RYR2: variants seen among roughly 807,000 people sequenced by gnomAD.
RYR2 encodes ryanodine receptor 2.
In RYR2, 227 loss-of-function variants were observed where a neutral mutation model predicts 601.1. The observed-to-expected ratio is 0.38, with a 90% confidence interval of 0.34 to 0.42. The LOEUF is 0.42. RYR2 is among the 10% of genes least tolerant of loss of function. RYR2 has a pLI of 1.00. For missense variants in RYR2, 4,646 were observed against 6,156.5 expected (o/e 0.75, Z 8.21); for synonymous variants, 2,223 against 2,175.1 (o/e 1.02, Z -0.61).
intron 61 of RYR2, among the ~76,000 whole-genome samples, chr1:237,679,265 C>T (rs1397469937): frequency 2.6e-5 from 4 of 152,250 alleles, no homozygotes; most frequent in East Asian, 1.9e-4. Context: ...TCAGCACCCC[C>T]GGTGCATCTG....
At chr1:237,809,092 TAAGTAA>T (rs761263202) in intron 100 of RYR2, 57 bp downstream of exon 100, 72 of 1,455,962 alleles carry the variant, frequency 4.9e-5, no homozygotes, top group Non-Finnish European at 6.5e-5. Flanking sequence ...TTCTGCAGTC[TAAGTAA>T]TTGTGTATTT....
At chr1:237,790,612 AATTAT>A (rs1347303152) in intron 92 of RYR2, among the ~76,000 whole-genome samples, 5 of 152,220 alleles carry the variant, frequency 3.3e-5, no homozygotes, top group African/African-American at 1.2e-4. Flanking sequence ...TCAACATAAT[AATTAT>A]ATTAATAACG....
chr1:237,324,847 T>C lies in RYR2; in HGVS notation c.169-6031T>C, dbSNP rs575829064. On this transcript the variant is annotated intron_variant, in intron 2 of 104. Transcript: ENST00000366574. ...ATACCTGTGTTATGTCAAAGGTCAC[T>C]TGGAGCCCAATTGAAAGGCAGTGTG... Among the ~76,000 whole-genome samples, 4 of 152,308 alleles carry C rather than the reference T, an allele frequency of 2.6e-5. No homozygotes were observed. The East Asian group carries it at 7.7e-4, about 29-fold the overall frequency.
At chr1:237,523,177 A>C (rs1374488445) in intron 24 of RYR2, among the ~76,000 whole-genome samples, 1 of 152,182 alleles carries the variant, frequency 6.6e-6, no homozygotes, top group Non-Finnish European at 1.5e-5. Flanking sequence ...GAGTACTTAG[A>C]TACAATATCC....
intron 1 of RYR2, among the ~76,000 whole-genome samples, chr1:237,165,537 G>A (rs1319413190): frequency 6.6e-6 from 1 of 152,110 alleles, no homozygotes; most frequent in Non-Finnish European, 1.5e-5. Context: ...ATATAATATT[G>A]TTTAATATAG....
At chr1:237,578,032 G>A (rs1395505717) in intron 29 of RYR2, among the ~76,000 whole-genome samples, 1 of 152,144 alleles carries the variant, frequency 6.6e-6, no homozygotes, top group Non-Finnish European at 1.5e-5. Context: ...CTGGTCTTGA[G>A]CTCCTGACCT....
At chr1:237,643,218 T>C in intron 47 of RYR2, 109 bp from the exon 48 acceptor site, 1 of 1,393,004 alleles carries the variant, frequency 7.2e-7, no homozygotes, top group South Asian at 1.3e-5. Flanking sequence ...ATGTATACAC[T>C]GATCAGAAAA....
chr1:237,780,892 A>T (rs769379983), intron 88 of RYR2, among the ~76,000 whole-genome samples: 7 of 152,296 alleles, frequency 4.6e-5, no homozygotes, highest in Non-Finnish European at 8.8e-5. Flanking sequence ...CACCTAGAAG[A>T]AGTTAGAAAG....
At chr1:237,158,859 T>C (rs980257696) in intron 1 of RYR2, among the ~76,000 whole-genome samples, 2 of 152,168 alleles carry the variant, frequency 1.3e-5, no homozygotes, top group Non-Finnish European at 2.9e-5. Flanking sequence ...CTAATGTGTT[T>C]ATGCAAAATG....
At chr1:237,752,493 C>G (rs1004622111) in intron 80 of RYR2, among the ~76,000 whole-genome samples, 1 of 151,490 alleles carries the variant, frequency 6.6e-6, no homozygotes, top group Non-Finnish European at 1.5e-5. Context: ...TTAGGAACCA[C>G]TCGTTTTAAA....
intron 6 of RYR2, among the ~76,000 whole-genome samples, chr1:237,370,192 T>C (rs1700527923): frequency 6.6e-6 from 1 of 151,906 alleles, no homozygotes; most frequent in Non-Finnish European, 1.5e-5. Flanking sequence ...TACTTTAATG[T>C]ATTCTTAGCT....
In RYR2 at chr1:237,759,846, C is replaced by A; in HGVS notation, c.11396C>A (p.Ser3799Ter). The change falls in exon 83 of 105, where the codon TCA becomes TAA. Residue 3799 changes from serine (S) to a stop codon, truncating the protein, a stop_gained. Transcript: ENST00000366574. LOFTEE classifies it high-confidence loss of function. ...CAGAGCCTGGCCGGCCTGATGCAGT[C>A]ATGTAGGTAAGGACTCACTTCCTTC... ...FFQSLAGLMQ[S>*]CSVLDLNAFE... The A allele has an allele frequency of 6.2e-7, 1 of 1,608,648 alleles. No homozygotes were observed. Among genetic ancestry groups the A allele is most frequent in the South Asian group, 1.1e-5 (1 of 90,610 alleles).
At position 237,640,647 on chromosome 1, in the gene RYR2, T is replaced by G. The variant is rs535694454; in HGVS notation, c.7116-250T>G. ...AAGCCATCAAATAAGCAGTTCCTCC[T>G]TTTCCCCTCAAAGGAATCTTAATAC... On this transcript the variant is annotated intron_variant, in intron 46 of 104. Coordinates refer to ENST00000366574, the MANE Select transcript of RYR2 (RefSeq NM_001035.3). Among the ~76,000 whole-genome samples the G allele has an allele frequency of 3.3e-5, 5 of 152,176 alleles. No homozygotes were observed. The South Asian group carries it at 8.3e-4, about 25-fold the overall frequency.
At position 237,789,652 on chromosome 1, in the gene RYR2, T is replaced by C. The variant is rs143599435; in HGVS notation, c.13476+1517T>C. The stretch of plus-strand genomic sequence containing the variant: ...CCAGTGGGTTCCTGAAGAATGTGTT[T>C]AACTACAGTTGTGTAAACCAAGTAG... On this transcript the variant is annotated intron_variant, in intron 92 of 104. Coordinates refer to ENST00000366574, the MANE Select transcript of RYR2 (RefSeq NM_001035.3). Among the ~76,000 whole-genome samples, 718 of 121,082 alleles carry C rather than the reference T, an allele frequency of 5.9e-3. 3 individuals carry two copies. Among genetic ancestry groups the C allele is most frequent in the African/African-American group, 0.018 (687 of 37,668 alleles). 79.4% of individuals were successfully genotyped at this position (121,082 alleles called of 152,430 possible).
At position 237,614,443 on chromosome 1, in the gene RYR2, G is replaced by C; in HGVS notation, c.5315G>C (p.Ser1772Thr). Residue 1772 changes from serine (S) to threonine (T), a missense_variant, in exon 37 of 105, where the codon AGT (serine) becomes ACT (threonine). Physicochemically the swap from Ser to Thr is moderately conservative, Grantham distance 58 (BLOSUM62 1). Coordinates refer to ENST00000366574, the MANE Select transcript of RYR2 (RefSeq NM_001035.3). The surrounding 1 kb of genome is among the most constrained non-coding windows in gnomAD (Gnocchi z 4.3). Reference protein sequence around the residue: ...QFSSPSFVSISNECYQYSPEF... With the variant: ...QFSSPSFVSITNECYQYSPEF... ...TCCTCCCCCAGTTTTGTAAGCATTA[G>C]TAATGAATGTTACCAGTACAGTCCA... is the stretch of plus-strand genomic sequence containing the variant. 6.2e-7 allele frequency: 1 copy of C among 1,614,016 alleles called. No individual in the cohort carries two copies. Among genetic ancestry groups the C allele is most frequent in the Middle Eastern group, 1.6e-4 (1 of 6,062 alleles).
chr1:237,366,750 G>C (rs951148126), intron 5 of RYR2, among the ~76,000 whole-genome samples: 2 of 151,042 alleles, frequency 1.3e-5, no homozygotes, highest in Non-Finnish European at 2.9e-5. Context: ...CAAGCTTTAC[G>C]GTAAAAGGAG....
In RYR2 at chr1:237,569,198, C is replaced by A. The variant is rs780861754; in HGVS notation, c.3477C>A (p.Gly1159=). Residue 1159 remains glycine, a synonymous_variant, in exon 29 of 105, where the codon GGC becomes GGA. Coordinates refer to ENST00000366574, the MANE Select transcript of RYR2 (RefSeq NM_001035.3). Reference sequence around the variant, plus strand: ...ACTATGGGCGCTCTTGGCAAGCAGGCGATGTCGTGGGGTGTATGGTTGACA... The same window carrying A: ...ACTATGGGCGCTCTTGGCAAGCAGGAGATGTCGTGGGGTGTATGGTTGACA... ...NEHYGRSWQA[G]DVVGCMVDMN... is the part of the protein sequence containing the mutation. 1.2e-6 allele frequency: 2 copies of A among 1,613,742 alleles called. No homozygotes were observed. Among genetic ancestry groups the A allele is most frequent in the Non-Finnish European group, 1.7e-6 (2 of 1,179,860 alleles).
Position 237,801,900 on chromosome 1 carries a change from T to A in RYR2, c.14135T>A (p.Val4712Asp). 6.2e-7 allele frequency: 1 copy of A among 1,600,134 alleles called. No homozygotes were observed. The highest frequency in any genetic ancestry group is 8.5e-7 in the Non-Finnish European group (1 of 1,170,022). Reference sequence around the variant, plus strand: ...AAGTATCAGATGTGGAAACTAGGAGTCGTTTTCACTGACAACGTAAGCCTA... The same window carrying A: ...AAGTATCAGATGTGGAAACTAGGAGACGTTTTCACTGACAACGTAAGCCTA... ...DVKYQMWKLG[V>D]VFTDNSFLYL... Residue 4712 changes from valine to aspartate, a missense_variant, in exon 98 of 105, where the codon GTC (valine) becomes GAC (aspartate). This residue lies in a region of RYR2 where 76 missense variants were observed against 97.4 expected (regional missense o/e 0.78). Transcript: ENST00000366574.
intron 14 of RYR2, among the ~76,000 whole-genome samples, chr1:237,452,458 G>A (rs1024489482): frequency 2.8e-5 from 4 of 142,842 alleles, no homozygotes; most frequent in Admixed American, 7.1e-5. Flanking sequence ...TACTATATCA[G>A]CATATACTAT....
Sources: allele counts gnomAD v4.1 joint callset (sites outside exome capture counted in the v4.1 genomes callset), GRCh38; gene constraint gnomAD v4.1.1; regional missense constraint gnomAD v4.1.1; non-coding constraint Gnocchi (gnomAD v3.1); transcripts MANE v1.5; gene names NCBI Gene and HGNC (gene_info 2026-07-23, HGNC 2026-07-21).